Variants in MDGA2 observed in about 807,000 individuals in gnomAD.
MDGA2 encodes the protein MAM domain containing glycosylphosphatidylinositol anchor 2, also known as MAM domain-containing glycosylphosphatidylinositol anchor protein 2.
A neutral mutation model predicts 117.8 loss-of-function variants in MDGA2; 40 were observed. The ratio of observed to expected loss-of-function variants is 0.34; its 90% CI spans 0.26 to 0.44. The LOEUF (loss-of-function observed/expected upper bound fraction) is 0.44, where lower values mean the gene tolerates loss of function less well. Among genes scored for constraint, MDGA2 ranks in the 20% least tolerant of loss-of-function variants. The pLI, the probability that MDGA2 is intolerant of heterozygous loss-of-function variation, is 1.00. For missense variants in MDGA2, 1,123 were observed against 1,250.6 expected (o/e 0.90, Z 1.54); for synonymous variants, 452 against 439.0 (o/e 1.03, Z -0.37).
At chr14:47,213,891 C>A (rs1054143585) in intron 3 of MDGA2, among the ~76,000 whole-genome samples, 2 of 152,064 alleles carry the variant, frequency 1.3e-5, no homozygotes, top group East Asian at 1.9e-4. Flanking sequence ...ACAATCACAG[C>A]GGAAGGCAAA....
At chr14:47,345,362 T>G (rs528116436) in intron 1 of MDGA2, among the ~76,000 whole-genome samples, 1 of 152,140 alleles carries the variant, frequency 6.6e-6, no homozygotes, top group East Asian at 1.9e-4. Flanking sequence ...TACAATCTGG[T>G]TTTATAAAAT....
chr14:46,871,406 G>A (rs966301545), intron 14 of MDGA2: 2 of 151,866 alleles, frequency 1.3e-5, no homozygotes, highest in Non-Finnish European at 2.9e-5. Flanking sequence ...TTGTGTTATG[G>A]CTTCACTACT....
chr14:47,307,535 G>T (rs1423267064), intron 1 of MDGA2, among the ~76,000 whole-genome samples: 1 of 152,056 alleles, frequency 6.6e-6, no homozygotes, highest in African/African-American at 2.4e-5. Context: ...ACAAAAATTA[G>T]CCAGGTGTGG....
intron 1 of MDGA2, among the ~76,000 whole-genome samples, chr14:47,521,822 C>T (rs1894873074): frequency 6.6e-6 from 1 of 152,042 alleles, no homozygotes; most frequent in Admixed American, 6.6e-5. Flanking sequence ...CAGGTGCCCA[C>T]CACCACACCT....
At chr14:47,237,546 G>A (rs1322034580) in intron 2 of MDGA2, among the ~76,000 whole-genome samples, 1 of 152,162 alleles carries the variant, frequency 6.6e-6, no homozygotes, top group Non-Finnish European at 1.5e-5. Flanking sequence ...AATGGTCACA[G>A]ATTGTCACTT....
intron 3 of MDGA2, among the ~76,000 whole-genome samples, chr14:47,173,193 G>C (rs986554102): frequency 6.6e-6 from 1 of 152,128 alleles, no homozygotes; most frequent in Non-Finnish European, 1.5e-5. Context: ...TGAAAGTGAC[G>C]GGGAGAATGG....
intron 1 of MDGA2, among the ~76,000 whole-genome samples, chr14:47,515,121 T>A (rs1052819559): frequency 6.6e-6 from 1 of 152,098 alleles, no homozygotes; most frequent in Non-Finnish European, 1.5e-5. Context: ...TAGAAAGTAA[T>A]GGTAAAGAGC....
chr14:47,039,938 T>C (rs1020397243), intron 7 of MDGA2, among the ~76,000 whole-genome samples: 6 of 152,098 alleles, frequency 3.9e-5, no homozygotes, highest in African/African-American at 1.4e-4. Context: ...CAAGTAACTA[T>C]GCAAGATAAG....
chr14:47,313,757 A>G (rs1421737770), intron 1 of MDGA2, among the ~76,000 whole-genome samples: 1 of 152,170 alleles, frequency 6.6e-6, no homozygotes, highest in East Asian at 1.9e-4. Flanking sequence ...AGCTGGAGTA[A>G]GTGTGAAGAA....
chr14:47,371,698 T>G (rs1268459096), intron 1 of MDGA2, among the ~76,000 whole-genome samples: 1 of 151,734 alleles, frequency 6.6e-6, no homozygotes, highest in Non-Finnish European at 1.5e-5. Flanking sequence ...AATAAGAGAT[T>G]CTCATTATTA....
At chr14:46,868,215 A>G (rs1881855214) in intron 14 of MDGA2, among the ~76,000 whole-genome samples, 1 of 152,028 alleles carries the variant, frequency 6.6e-6, no homozygotes, top group Non-Finnish European at 1.5e-5. Context: ...GGAGCAGAGA[A>G]GATAGGAAAG....
chr14:46,875,173 G>C (rs1882175137), intron 12 of MDGA2, among the ~76,000 whole-genome samples: 1 of 151,618 alleles, frequency 6.6e-6, no homozygotes, highest in Non-Finnish European at 1.5e-5. Flanking sequence ...AAATTCCCTG[G>C]AATTCATAGA....
intron 8 of MDGA2, among the ~76,000 whole-genome samples, chr14:47,010,533 T>C (rs1458821505): frequency 6.6e-6 from 1 of 152,024 alleles, no homozygotes; most frequent in Non-Finnish European, 1.5e-5. Context: ...ATTATTTAAA[T>C]TCATAACTAT....
rs527880855 is a variant in MDGA2, at chr14:47,242,484, C to T, written c.421-24289G>A. On this transcript the variant is annotated intron_variant, in intron 2 of 16. Coordinates refer to ENST00000399232, the MANE Select transcript of MDGA2 (RefSeq NM_001113498.3). ...GAACCGGGGCTGCGTGTGGCGCTTG[C>T]GGGGCAGCTGGAGTTCCGGGTGGGC... 2.4e-4 allele frequency among the ~76,000 whole-genome samples: 37 copies of T among 151,936 alleles called. 1 individual carries two copies. In the South Asian group the frequency reaches 6.9e-3, roughly 28 times the overall value.
At chr14:47,074,687 A>G (rs2138858050) in intron 6 of MDGA2, among the ~76,000 whole-genome samples, 1 of 152,228 alleles carries the variant, frequency 6.6e-6, no homozygotes, top group Non-Finnish European at 1.5e-5. Flanking sequence ...TATACAACCT[A>G]TTCTGACCTT....
chr14:47,022,114 T>G (rs768501341), intron 8 of MDGA2, among the ~76,000 whole-genome samples: 31 of 152,126 alleles, frequency 2.0e-4, no homozygotes, highest in Non-Finnish European at 4.0e-4. Flanking sequence ...AGACAGGGTT[T>G]CACTCTATCT....
chr14:47,628,228 C>G (rs1220238631), intron 1 of MDGA2, among the ~76,000 whole-genome samples: 1 of 152,176 alleles, frequency 6.6e-6, no homozygotes, highest in Non-Finnish European at 1.5e-5. Flanking sequence ...CATTTTTATG[C>G]AAATTGCTCT....
chr14:47,368,546 C>A (rs10459501), intron 1 of MDGA2, among the ~76,000 whole-genome samples: 1 of 151,848 alleles, frequency 6.6e-6, no homozygotes, highest in Non-Finnish European at 1.5e-5. Context: ...CAAGGTTATG[C>A]TTTGCGGGGG....
chr14:47,422,090 A>G (rs529755298), intron 1 of MDGA2, among the ~76,000 whole-genome samples: 30 of 152,260 alleles, frequency 2.0e-4, no homozygotes, highest in Middle Eastern at 3.4e-3. Flanking sequence ...GTTTTGTTTC[A>G]TAAATTTCCA....
Sources: gnomAD v4.1 joint callset for allele counts (sites outside exome capture counted in the v4.1 genomes callset) on GRCh38, gnomAD v4.1.1 for gene constraint, MANE v1.5 for transcripts, NCBI Gene and HGNC (gene_info 2026-07-23, HGNC 2026-07-21) for gene names.